Variants in SLC22A9 observed in about 807,000 individuals in gnomAD.
SLC22A9 encodes the protein organic anion transporter 7.
A neutral mutation model predicts 50.1 loss-of-function variants in SLC22A9; 64 were observed. The observed-to-expected ratio is 1.28, with a 90% CI of 1.04 to 1.57. The LOEUF is 1.57. SLC22A9 is among the 40% of genes most tolerant of loss of function. The pLI is 0.00. For missense variants in SLC22A9, 757 were observed against 676.1 expected, an observed-to-expected ratio of 1.12 and a Z score of -1.33; for synonymous variants, 261 against 242.5, an observed-to-expected ratio of 1.08 and a Z score of -0.71.
chr11:63,408,690 G>A lies in SLC22A9; in HGVS notation c.1412G>A (p.Gly471Glu), dbSNP rs752864960. ...TCCACTCAAAGGGCAAGAGCTATGG[G>A]GATCAATGCAACCTTTGCTAATATA... ...IPTIIRARAM[G>E]INATFANIAG... The change falls in exon 9 of 10, where the codon GGG (glycine) becomes GAG (glutamate). Residue 471 changes from glycine (G) to glutamate (E), a missense_variant. Physicochemically the swap from Gly to Glu is moderately conservative, Grantham distance 98. Coordinates refer to ENST00000279178, the MANE Select transcript of SLC22A9 (RefSeq NM_080866.3). 2.5e-6 allele frequency: 4 copies of A among 1,613,502 alleles called. No homozygotes were observed. In the East Asian group the frequency reaches 6.7e-5, roughly 27 times the overall value.
At chr11:63,383,794 T>C (rs938825447) in intron 6 of SLC22A9, among the ~76,000 whole-genome samples, 4 of 152,182 alleles carry the variant, frequency 2.6e-5, no homozygotes, top group Non-Finnish European at 5.9e-5. Flanking sequence ...CTCTCACCTG[T>C]AATCCCAGCA....
At chr11:63,388,289 T>C (rs948582318) in intron 6 of SLC22A9, among the ~76,000 whole-genome samples, 5 of 152,118 alleles carry the variant, frequency 3.3e-5, no homozygotes, top group African/African-American at 1.2e-4. Flanking sequence ...TTCTGTATGA[T>C]ACCAGCTATG....
At chr11:63,383,355 T>C (rs1415391114) in intron 6 of SLC22A9, among the ~76,000 whole-genome samples, 1 of 152,168 alleles carries the variant, frequency 6.6e-6, no homozygotes, top group African/African-American at 2.4e-5. Context: ...TCCTGCTGCA[T>C]CAGAGAACTC....
intron 6 of SLC22A9, among the ~76,000 whole-genome samples, chr11:63,385,958 G>C (rs1226260537): frequency 1.3e-5 from 2 of 152,070 alleles, no homozygotes; most frequent in Non-Finnish European, 2.9e-5. Flanking sequence ...ATAATTTTAA[G>C]GTATGTTCCT....
chr11:63,406,463 T>A (rs1445482226), intron 6 of SLC22A9, 34 bp from the exon 7 acceptor site: 3 of 1,580,644 alleles, frequency 1.9e-6, no homozygotes, highest in East Asian at 2.2e-5. Context: ...CTCCACAGAT[T>A]ATAATATGTT....
At chr11:63,400,654 A>T (rs1251516471) in intron 6 of SLC22A9, among the ~76,000 whole-genome samples, 1 of 152,122 alleles carries the variant, frequency 6.6e-6, no homozygotes, top group African/African-American at 2.4e-5. Flanking sequence ...ATACTTCCAA[A>T]CTCATTTCAC....
At chr11:63,404,449 TA>T (rs2015003673) in intron 6 of SLC22A9, among the ~76,000 whole-genome samples, 1 of 152,204 alleles carries the variant, frequency 6.6e-6, no homozygotes. Flanking sequence ...GTTAAGTAGG[TA>T]AATCTCTCAG....
chr11:63,405,642 T>C (rs2015024630), intron 6 of SLC22A9, among the ~76,000 whole-genome samples: 1 of 152,162 alleles, frequency 6.6e-6, no homozygotes, highest in Admixed American at 6.6e-5. Context: ...ACTCAATAAG[T>C]TGTACATTTT....
intron 2 of SLC22A9, among the ~76,000 whole-genome samples, chr11:63,373,135 C>CTTT (rs5792283): frequency 8.1e-5 from 11 of 135,074 alleles, no homozygotes; most frequent in Non-Finnish European, 1.3e-4. Context: ...TTTTTTTTTT[C>CTTT]TTTTTTTTTT....
intron 6 of SLC22A9, among the ~76,000 whole-genome samples, chr11:63,398,137 C>T (rs907868652): frequency 2.0e-5 from 3 of 152,184 alleles, no homozygotes. Context: ...CCCTTCAAGG[C>T]AGTACGTTTC....
intron 5 of SLC22A9, 96 bp from the exon 6 acceptor site, chr11:63,382,063 G>A: frequency 1.3e-6 from 1 of 762,732 alleles, no homozygotes. Flanking sequence ...AGAAAGTGCA[G>A]TCAACTCACT....
chr11:63,389,010 C>T (rs1320837899), intron 6 of SLC22A9, among the ~76,000 whole-genome samples: 1 of 152,042 alleles, frequency 6.6e-6, no homozygotes, highest in African/African-American at 2.4e-5. Flanking sequence ...TCTGTGGTAT[C>T]AGTTACAATG....
At chr11:63,372,015 A>G (rs1219240773) in intron 2 of SLC22A9, among the ~76,000 whole-genome samples, 2 of 152,196 alleles carry the variant, frequency 1.3e-5, no homozygotes, top group Non-Finnish European at 2.9e-5. Context: ...AATGGAATGT[A>G]GAATGAGCTA....
chr11:63,378,090 T>G (rs1014336298), intron 5 of SLC22A9, among the ~76,000 whole-genome samples: 6 of 152,064 alleles, frequency 3.9e-5, no homozygotes, highest in African/African-American at 1.4e-4. Flanking sequence ...CTGGGCCACA[T>G]GGATTCACAG....
At chr11:63,397,890 G>A (rs999123305) in intron 6 of SLC22A9, among the ~76,000 whole-genome samples, 1 of 138,540 alleles carries the variant, frequency 7.2e-6, no homozygotes, top group Non-Finnish European at 1.6e-5. Flanking sequence ...TGGCTGAGTT[G>A]GTACCTAAGC....
chr11:63,388,429 G>T (rs1429532431), intron 6 of SLC22A9, among the ~76,000 whole-genome samples: 1 of 151,410 alleles, frequency 6.6e-6, no homozygotes, highest in Admixed American at 6.6e-5. Flanking sequence ...CAGTGGATAT[G>T]ATCACATGGT....
chr11:63,409,810 AC>A lies in SLC22A9; in HGVS notation c.1614del (p.Arg539GlufsTer12). On this transcript the variant is annotated frameshift_variant, in exon 10 of 10. Coordinates refer to ENST00000279178, the MANE Select transcript of SLC22A9 (RefSeq NM_080866.3). LOFTEE classifies it low-confidence loss of function (END_TRUNC). ...TIQDEKNERK[D>X]PREPKQEDPR... ...CTTTGTATTTGTTCTAGGAGAAAAG[AC>A]CCCAGAGAACCAAAGCAAGAGGATC... 1 of 1,613,566 alleles carries A rather than the reference AC, an allele frequency of 6.2e-7. No homozygotes were observed. Among genetic ancestry groups the A allele is most frequent in the Non-Finnish European group, 8.5e-7 (1 of 1,179,766 alleles).
At position 63,373,655 on chromosome 11, in the gene SLC22A9, G is replaced by T; in HGVS notation, c.518G>T (p.Arg173Met). The change falls in exon 3 of 10, where the codon AGG becomes ATG. Residue 173 changes from arginine (R) to methionine (M), a missense_variant. By Grantham distance (91) the Arg-to-Met change is moderately conservative. Coordinates refer to ENST00000279178, the MANE Select transcript of SLC22A9 (RefSeq NM_080866.3). ...GGHLSDRFGRRFVLRWCYLQV... is the reference protein window; with the variant it reads ...GGHLSDRFGRMFVLRWCYLQV... Reference sequence around the variant, plus strand: ...TTTCTGTTTCTCAGGTTTGGGAGAAGGTTCGTGCTCAGATGGTGTTACCTC... The same window carrying T: ...TTTCTGTTTCTCAGGTTTGGGAGAATGTTCGTGCTCAGATGGTGTTACCTC... 6.4e-7 allele frequency: 1 copy of T among 1,560,004 alleles called. No homozygotes were observed. The highest frequency in any genetic ancestry group is 8.6e-7 in the Non-Finnish European group (1 of 1,158,384).
rs765020929 is a variant in SLC22A9, at chr11:63,374,011, T to C, written c.779T>C (p.Ile260Thr). Residue 260 changes from isoleucine to threonine, a missense_variant, in exon 4 of 10, where the codon ATC (isoleucine) becomes ACC (threonine). By Grantham distance (89) the Ile-to-Thr change is moderately conservative. Transcript: ENST00000279178. ...GLAFAIRDWHILQLVVSVPYF... is the reference protein window; with the variant it reads ...GLAFAIRDWHTLQLVVSVPYF... ...GCTTTTGCCATTCGAGACTGGCATA[T>C]CCTCCAGCTGGTGGTGTCTGTACCA... The C allele has an allele frequency of 9.3e-6, 15 of 1,613,474 alleles. No homozygotes were observed. The highest frequency in any genetic ancestry group is 4.4e-5 in the South Asian group (4 of 91,074).
Sources: gnomAD v4.1 joint callset for allele counts (sites outside exome capture counted in the v4.1 genomes callset) on GRCh38, gnomAD v4.1.1 for gene constraint, MANE v1.5 for transcripts, NCBI Gene and HGNC (gene_info 2026-07-23, HGNC 2026-07-21) for gene names.